OPHN1: variants seen among roughly 807,000 people sequenced by gnomAD.
OPHN1 encodes the protein oligophrenin 1.
In OPHN1, 11 loss-of-function variants were observed where a neutral mutation model predicts 60.7. That is an observed-to-expected ratio of 0.18 (90% CI 0.11 to 0.30). The LOEUF (loss-of-function observed/expected upper bound fraction) is 0.30. OPHN1 is among the 10% of genes least tolerant of loss of function. OPHN1 has a pLI of 1.00. For missense variants in OPHN1, 449 were observed against 611.0 expected (o/e 0.73, Z 2.80); for synonymous variants, 226 against 222.6 (o/e 1.02, Z -0.14).
chrX:68,217,167 G>T (rs1330819099), intron 6 of OPHN1, among the ~76,000 whole-genome samples: 2 of 111,964 alleles, frequency 1.8e-5, no homozygotes, highest in African/African-American at 6.5e-5. Flanking sequence ...AAGGGGTGAC[G>T]GATGGCACCT....
At chrX:68,324,375 A>G (rs1307898611) in intron 2 of OPHN1, among the ~76,000 whole-genome samples, 1 of 109,452 alleles carries the variant, frequency 9.1e-6, no homozygotes, top group Non-Finnish European at 1.9e-5. Context: ...GACCCAGGCA[A>G]GAGGATCATT....
intron 3 of OPHN1, among the ~76,000 whole-genome samples, chrX:68,286,015 A>T (rs1052829474): frequency 9.0e-6 from 1 of 111,473 alleles, no homozygotes; most frequent in Non-Finnish European, 1.9e-5. Context: ...AGAAAATCTA[A>T]TGTAAGGGCT....
chrX:68,111,733 G>T, intron 18 of OPHN1, 121 bp downstream of exon 18: 1 of 534,506 alleles, frequency 1.9e-6, no homozygotes, highest in Non-Finnish European at 3.3e-6. Context: ...AGAGCATTCA[G>T]CTTCCAAGGA....
Position 68,234,533 on chromosome X carries a change from C to A in OPHN1, c.440G>T (p.Arg147Leu). Residue 147 changes from arginine to leucine, a missense_variant, in exon 6 of 25, where the codon CGG becomes CTG. By Grantham distance (102) the Arg-to-Leu change is moderately radical. Coordinates refer to ENST00000355520, the MANE Select transcript of OPHN1 (RefSeq NM_002547.3). Reference sequence around the variant, plus strand: ...CTTTTTTGAAGACAGGTGTAAGTGCCGATCCAGTAAAGAATAAAACCTCTC... The same window carrying A: ...CTTTTTTGAAGACAGGTGTAAGTGCAGATCCAGTAAAGAATAAAACCTCTC... ...DGERFYSLLD[R>L]HLHLSSKKKE... 1 of 1,210,471 alleles carries A rather than the reference C, an allele frequency of 8.3e-7. No homozygotes were observed. Among genetic ancestry groups the A allele is most frequent in the Non-Finnish European group, 1.1e-6 (1 of 894,484 alleles).
intron 4 of OPHN1, among the ~76,000 whole-genome samples, chrX:68,275,933 G>C (rs1238218743): frequency 9.0e-6 from 1 of 111,161 alleles, no homozygotes; most frequent in African/African-American, 3.3e-5. Flanking sequence ...GCCAGCCTTT[G>C]TATGAGAACA....
At chrX:68,089,330 T>TA (rs1208796259) in intron 19 of OPHN1, among the ~76,000 whole-genome samples, 4 of 111,591 alleles carry the variant, frequency 3.6e-5, no homozygotes, top group Non-Finnish European at 5.7e-5. Context: ...ACCTTGGAGA[T>TA]ATTTTCGATT....
chrX:68,274,523 C>T (rs898226392), intron 5 of OPHN1, among the ~76,000 whole-genome samples: 1 of 111,306 alleles, frequency 9.0e-6, no homozygotes, highest in Non-Finnish European at 1.9e-5. Flanking sequence ...ACCTCCCCAC[C>T]CCCTTTGTCA....
intron 2 of OPHN1, among the ~76,000 whole-genome samples, chrX:68,393,840 ATC>A (rs2078666214): frequency 1.1e-5 from 1 of 91,502 alleles, no homozygotes; most frequent in Non-Finnish European, 2.1e-5. Context: ...ATGGATACTA[ATC>A]TCTTTTTTCC....
At chrX:68,126,654 A>G (rs1295841315) in intron 15 of OPHN1, among the ~76,000 whole-genome samples, 1 of 111,731 alleles carries the variant, frequency 9.0e-6, no homozygotes, top group Non-Finnish European at 1.9e-5. Flanking sequence ...CATATTGGCC[A>G]GAATGGTCTT....
At chrX:68,229,280 A>C (rs1407664388) in intron 6 of OPHN1, among the ~76,000 whole-genome samples, 1 of 112,061 alleles carries the variant, frequency 8.9e-6, no homozygotes, top group Non-Finnish European at 1.9e-5. Context: ...AAGAAATGGA[A>C]GTACATTCCA....
intron 2 of OPHN1, among the ~76,000 whole-genome samples, chrX:68,412,977 T>G (rs2013773288): frequency 9.0e-6 from 1 of 111,615 alleles, no homozygotes; most frequent in Non-Finnish European, 1.9e-5. Flanking sequence ...GTGAGAAATT[T>G]GAATTCCTGG....
At chrX:68,342,976 C>T (rs1362196914) in intron 2 of OPHN1, among the ~76,000 whole-genome samples, 3 of 110,255 alleles carry the variant, frequency 2.7e-5, no homozygotes, top group Non-Finnish European at 3.8e-5. Flanking sequence ...GAAAGAAGAA[C>T]GAAGAAGAAG....
intron 6 of OPHN1, among the ~76,000 whole-genome samples, chrX:68,226,572 T>G (rs2077694266): frequency 8.9e-6 from 1 of 111,855 alleles, no homozygotes; most frequent in African/African-American, 3.2e-5. Flanking sequence ...TAGGGGCCAA[T>G]ATTCAACTTT....
At chrX:68,124,949 T>C (rs1393159248) in intron 15 of OPHN1, among the ~76,000 whole-genome samples, 1 of 111,154 alleles carries the variant, frequency 9.0e-6, no homozygotes, top group African/African-American at 3.3e-5. Context: ...CACCCACCCA[T>C]AAAGCAAGTC....
At chrX:68,239,161 C>T (rs1239314171) in intron 5 of OPHN1, among the ~76,000 whole-genome samples, 1 of 111,513 alleles carries the variant, frequency 9.0e-6, no homozygotes, top group Non-Finnish European at 1.9e-5. Context: ...TCTCCTCTGA[C>T]CGCCCTCGGC....
At chrX:68,130,683 C>T (rs1442321161) in intron 15 of OPHN1, among the ~76,000 whole-genome samples, 1 of 110,886 alleles carries the variant, frequency 9.0e-6, no homozygotes, top group Non-Finnish European at 1.9e-5. Flanking sequence ...CATAAAAGTA[C>T]ATAAAGCCAT....
intron 20 of OPHN1, among the ~76,000 whole-genome samples, chrX:68,064,907 A>G (rs1003307937): frequency 8.9e-6 from 1 of 111,773 alleles, no homozygotes. Flanking sequence ...GTCATAAAAA[A>G]CTTCGAGTGC....
intron 2 of OPHN1, among the ~76,000 whole-genome samples, chrX:68,327,804 A>AT (rs1569281479): frequency 8.2e-5 from 6 of 73,108 alleles, no homozygotes; most frequent in Non-Finnish European, 1.2e-4. Flanking sequence ...AAATAAAAAA[A>AT]AAAAAAAAAA....
chrX:68,194,006 T>A (rs2077500306), intron 13 of OPHN1, 54 bp from the exon 14 acceptor site: 1 of 1,008,167 alleles, frequency 9.9e-7, no homozygotes, highest in African/African-American at 1.9e-5. Context: ...TGTCACCTAT[T>A]AAACATTTAA....
Sources: allele counts gnomAD v4.1 joint callset (sites outside exome capture counted in the v4.1 genomes callset), GRCh38; gene constraint gnomAD v4.1.1; transcripts MANE v1.5; gene names NCBI Gene and HGNC (gene_info 2026-07-23, HGNC 2026-07-21).